TCF4: variants seen among roughly 807,000 people sequenced by gnomAD.
TCF4 encodes the protein SL3-3 enhancer factor 2.
A neutral mutation model predicts 82.1 loss-of-function variants in TCF4; 3 were observed. That is an observed-to-expected ratio of 0.04 (90% confidence interval 0.02 to 0.09). The LOEUF (loss-of-function observed/expected upper bound fraction) is 0.09. TCF4 is among the 10% of genes least tolerant of loss of function. The probability of loss-of-function intolerance (pLI) is 1.00; values close to 1 mark genes in which losing one functional copy is unlikely to be tolerated. For missense variants in TCF4, 518 were observed against 852.7 expected (o/e 0.61, Z 4.89); for synonymous variants, 276 against 309.6 (o/e 0.89, Z 1.14).
chr18:55,367,498 C>T (rs770269515), intron 6 of TCF4, among the ~76,000 whole-genome samples: 11 of 152,308 alleles, frequency 7.2e-5, no homozygotes, highest in Non-Finnish European at 1.3e-4. Context: ...TGTTTGGTGG[C>T]CCCTTCACCA....
intron 3 of TCF4, among the ~76,000 whole-genome samples, chr18:55,477,893 C>T (rs1045305789): frequency 6.6e-6 from 1 of 152,122 alleles, no homozygotes; most frequent in Non-Finnish European, 1.5e-5. Context: ...TTGGATGCAT[C>T]CTGCCTTTTG....
chr18:55,271,326 G>C lies in TCF4; in HGVS notation c.790-1363C>G, dbSNP rs76981160. Among the ~76,000 whole-genome samples, 601 of 152,188 alleles carry C rather than the reference G, an allele frequency of 3.9e-3. 2 individuals are homozygous for C. The highest frequency in any genetic ancestry group is 0.014 in the African/African-American group (572 of 41,532). On this transcript the variant is annotated intron_variant, in intron 10 of 19. Coordinates refer to ENST00000354452, the MANE Select transcript of TCF4 (RefSeq NM_001083962.2). ...GTATTGTAAACTCTTTAAAGGAATA[G>C]AGCTTATAGTTCTGCATCCCACAAC...
Position 55,401,286 on chromosome 18 carries a change from C to G in TCF4, c.369+2168G>C, listed in dbSNP as rs7236325. ...TCCAAAATTTCACTTTTATTTATCC[C>G]TAAGTAATCACACTGTTTATGGAGA... is the stretch of plus-strand genomic sequence containing the variant. On this transcript the variant is annotated intron_variant, in intron 6 of 19. Coordinates refer to ENST00000354452, the MANE Select transcript of TCF4 (RefSeq NM_001083962.2). 55 of 1,189,484 alleles carry G rather than the reference C, an allele frequency of 4.6e-5. No individual in the cohort carries two copies. In the African/African-American group the frequency reaches 7.4e-4, roughly 16 times the overall value. 73.7% of individuals were successfully genotyped at this position (1,189,484 alleles called of 1,614,324 possible). A position where few individuals can be genotyped will look rare whatever the true frequency, so the allele number is the denominator to read the frequency against.
chr18:55,565,510 A>G (rs976606569), intron 3 of TCF4, among the ~76,000 whole-genome samples: 1 of 152,184 alleles, frequency 6.6e-6, no homozygotes, highest in Non-Finnish European at 1.5e-5. Context: ...AGCAAAAGCA[A>G]TTCCTCTCTG....
At chr18:55,447,312 A>T (rs963397214) in intron 5 of TCF4, among the ~76,000 whole-genome samples, 1 of 137,246 alleles carries the variant, frequency 7.3e-6, no homozygotes, top group African/African-American at 2.6e-5. Flanking sequence ...AAAAAAAAAA[A>T]TTAGACATTA....
chr18:55,552,643 C>A (rs907726099), intron 3 of TCF4, among the ~76,000 whole-genome samples: 3 of 152,216 alleles, frequency 2.0e-5, no homozygotes, highest in African/African-American at 7.2e-5. Flanking sequence ...ACCAGGAATA[C>A]TGTTTTTATA....
At chr18:55,277,007 T>G (rs990378359) in intron 9 of TCF4, among the ~76,000 whole-genome samples, 1 of 152,182 alleles carries the variant, frequency 6.6e-6, no homozygotes, top group Admixed American at 6.5e-5. Context: ...GAGTTTTAAC[T>G]AGAAGATGGA....
chr18:55,419,673 G>A (rs1219560684), intron 5 of TCF4, among the ~76,000 whole-genome samples: 2 of 152,142 alleles, frequency 1.3e-5, no homozygotes, highest in African/African-American at 4.8e-5. Context: ...CTAATCCTAA[G>A]TGGATTCTTT....
At position 55,418,043 on chromosome 18, in the gene TCF4, G is replaced by GTA. The variant is rs2094585016; in HGVS notation, c.305-14527_305-14526dup. ...TGTGTGTGTGTGTGTGTGTGTGTGTGTATCTGTGTGTGTAGTAATAGGTAG... is the reference window on the plus strand; with the variant it reads ...TGTGTGTGTGTGTGTGTGTGTGTGTGTATATCTGTGTGTGTAGTAATAGGTAG... On this transcript the variant is annotated intron_variant, in intron 5 of 19. Coordinates refer to ENST00000354452, the MANE Select transcript of TCF4 (RefSeq NM_001083962.2). 5.5e-5 allele frequency among the ~76,000 whole-genome samples: 8 copies of GTA among 145,488 alleles called. No individual in the cohort carries two copies. The South Asian group carries it at 1.7e-3, about 31-fold the overall frequency.
chr18:55,435,091 CCTT>C (rs890798866), intron 5 of TCF4, among the ~76,000 whole-genome samples: 4 of 151,982 alleles, frequency 2.6e-5, no homozygotes, highest in South Asian at 2.1e-4. Context: ...AACAAATAAA[CCTT>C]CTACTCTTAA....
intron 3 of TCF4, among the ~76,000 whole-genome samples, chr18:55,485,950 T>A (rs1268746280): frequency 1.3e-5 from 2 of 152,224 alleles, no homozygotes. Flanking sequence ...CATCTTTAAG[T>A]ATTAATAATA....
intron 6 of TCF4, among the ~76,000 whole-genome samples, chr18:55,378,799 G>A (rs985223499): frequency 4.6e-5 from 7 of 152,180 alleles, no homozygotes; most frequent in Non-Finnish European, 1.0e-4. Context: ...TTTTGACCCG[G>A]AAGATTTAAA....
chr18:55,266,522 C>T (rs905390673), intron 11 of TCF4: 2 of 152,006 alleles, frequency 1.3e-5, no homozygotes, highest in African/African-American at 4.8e-5. Flanking sequence ...ATTAGATGAC[C>T]TTTTCAATTC....
At chr18:55,610,130 T>G (rs990685112) in intron 2 of TCF4, among the ~76,000 whole-genome samples, 3 of 152,156 alleles carry the variant, frequency 2.0e-5, no homozygotes, top group Admixed American at 6.5e-5. Flanking sequence ...TGAATAGAAC[T>G]TGGATCCAGA....
intron 3 of TCF4, among the ~76,000 whole-genome samples, chr18:55,578,701 A>G (rs1004653772): frequency 2.0e-4 from 31 of 152,056 alleles, no homozygotes; most frequent in African/African-American, 7.2e-4. Flanking sequence ...TTCTTTAAAA[A>G]GTAACGTACA....
intron 17 of TCF4, 66 bp downstream of exon 17, chr18:55,232,443 G>C: frequency 6.3e-7 from 1 of 1,584,362 alleles, no homozygotes; most frequent in African/African-American, 1.3e-5. Flanking sequence ...GTTTCTTCCC[G>C]TTCTGTTCAC....
At chr18:55,246,302 T>A (rs879246011) in intron 15 of TCF4, among the ~76,000 whole-genome samples, 3 of 152,090 alleles carry the variant, frequency 2.0e-5, no homozygotes, top group Admixed American at 2.0e-4. Context: ...AAGGTTTTTG[T>A]CTTTGATTTA....
chr18:55,226,799 T>C lies in TCF4; in HGVS notation c.*1236A>G, dbSNP rs1599314529. ...ACTTTACTTGTTTTTTTTGTTTTTG[T>C]TTTTTTCCAAAAATCTGACCATGTA... On this transcript the variant is annotated 3_prime_UTR_variant, in exon 20 of 20. Transcript: ENST00000354452. 6.6e-6 allele frequency: 1 copy of C among 152,570 alleles called. No homozygotes were observed. The highest frequency in any genetic ancestry group is 1.5e-5 in the Non-Finnish European group (1 of 68,028). 9.5% of individuals were successfully genotyped at this position (152,570 alleles called of 1,614,324 possible).
At chr18:55,445,488 G>A (rs112000478) in intron 5 of TCF4, among the ~76,000 whole-genome samples, 1,924 of 152,168 alleles carry the variant, frequency 0.013, 50 homozygotes, top group African/African-American at 0.044. Flanking sequence ...ATGTGCAGGC[G>A]AACTGGCCTT....
Sources: gnomAD v4.1 joint callset for allele counts (sites outside exome capture counted in the v4.1 genomes callset) on GRCh38, gnomAD v4.1.1 for gene constraint, MANE v1.5 for transcripts, NCBI Gene and HGNC (gene_info 2026-07-23, HGNC 2026-07-21) for gene names.